The following TNS1 variants were observed in gnomAD, a reference collection of about 807,000 sequenced individuals.
The protein encoded by TNS1 is tensin-1.
Under a neutral mutation model 168.6 loss-of-function variants are expected in TNS1, and 62 were observed. The observed-to-expected ratio is 0.37, with a 90% confidence interval of 0.30 to 0.45. TNS1 has a LOEUF of 0.45. Among genes scored for constraint, TNS1 ranks in the 20% least tolerant of loss-of-function variants. TNS1 has a pLI of 1.00. For synonymous variants in TNS1, 934 were observed against 933.2 expected, an observed-to-expected ratio of 1.00 and a Z score of -0.02; for missense variants, 2,240 against 2,339.4, an observed-to-expected ratio of 0.96 and a Z score of 0.88.
intron 12 of TNS1, among the ~76,000 whole-genome samples, chr2:217,888,669 A>G (rs1229298032): frequency 6.6e-6 from 1 of 152,144 alleles, no homozygotes; most frequent in Non-Finnish European, 1.5e-5. Flanking sequence ...TGGTTTTGTA[A>G]GGGGAAACCC....
At chr2:217,841,567 C>T (rs1458101601) in intron 19 of TNS1, among the ~76,000 whole-genome samples, 1 of 152,114 alleles carries the variant, frequency 6.6e-6, no homozygotes, top group East Asian at 1.9e-4. Context: ...CCTGCTTCTC[C>T]AAGAGGCAGA....
At chr2:217,822,925 T>C (rs1425543978) in intron 22 of TNS1, among the ~76,000 whole-genome samples, 1 of 152,090 alleles carries the variant, frequency 6.6e-6, no homozygotes, top group East Asian at 1.9e-4. Context: ...TCCTACCACC[T>C]CCAAATCCCA....
intron 21 of TNS1, among the ~76,000 whole-genome samples, chr2:217,832,189 C>A (rs1036167517): frequency 1.3e-5 from 2 of 152,224 alleles, no homozygotes; most frequent in Non-Finnish European, 2.9e-5. Flanking sequence ...CTCTGTCCCC[C>A]CAAACCTCAG....
intron 3 of TNS1, among the ~76,000 whole-genome samples, chr2:217,937,693 C>T (rs1956694150): frequency 2.0e-5 from 3 of 151,860 alleles, no homozygotes; most frequent in Non-Finnish European, 4.4e-5. Flanking sequence ...GACTCACAGA[C>T]CCCCCACCCC....
chr2:217,850,078 A>T, intron 18 of TNS1: 2 of 985,382 alleles, frequency 2.0e-6, no homozygotes, highest in Non-Finnish European at 2.4e-6. Flanking sequence ...CCCCTCCACC[A>T]GCAAGCTCAG....
intron 3 of TNS1, among the ~76,000 whole-genome samples, chr2:217,963,049 A>G (rs1325533047): frequency 6.6e-6 from 1 of 152,254 alleles, no homozygotes; most frequent in African/African-American, 2.4e-5. Context: ...AAGTTTAATC[A>G]TCTCAGAATA....
At chr2:217,977,944 C>A (rs1298005406) in intron 3 of TNS1, among the ~76,000 whole-genome samples, 19 of 152,206 alleles carry the variant, frequency 1.2e-4, no homozygotes, top group Admixed American at 1.2e-3. Flanking sequence ...AGGCAAGGAA[C>A]GCCATTTCCA....
At chr2:217,946,961 T>A (rs866897632) in intron 3 of TNS1, among the ~76,000 whole-genome samples, 18,543 of 131,694 alleles carry the variant, frequency 0.14, 1,469 homozygotes, top group African/African-American at 0.24. Context: ...TCTCTCTCTC[T>A]CTCTCTCTCA....
chr2:217,888,099 T>C (rs61032801), intron 12 of TNS1, among the ~76,000 whole-genome samples: 1 of 152,134 alleles, frequency 6.6e-6, no homozygotes, highest in Admixed American at 6.5e-5. Context: ...AGTAAGATAA[T>C]CTGATGGGCA....
chr2:217,979,851 G>GCCACAGCCCAGGA (rs1326748532), intron 2 of TNS1, among the ~76,000 whole-genome samples: 1 of 151,978 alleles, frequency 6.6e-6, no homozygotes, highest in African/African-American at 2.4e-5. Context: ...ATCCTCAACA[G>GCCACAGCCCAGGA]CCACAGCCCA....
intron 6 of TNS1, chr2:217,905,570 T>G (rs887300682): frequency 3.7e-6 from 1 of 269,900 alleles, no homozygotes. Flanking sequence ...TCTACCCCTG[T>G]GCCAACCACC....
At chr2:217,808,576 G>A (rs761824398) in intron 31 of TNS1, 27 bp downstream of exon 31, 2 of 1,610,098 alleles carry the variant, frequency 1.2e-6, no homozygotes, top group Admixed American at 1.7e-5. Context: ...AGCTGTGTGG[G>A]AGAGAAGCTG....
chr2:217,824,263 G>A lies in TNS1; in HGVS notation c.3374-2325C>T, dbSNP rs373755557. ...CTCCTCAGCCCAGAGAGGTGGAGCC[G>A]TGCGCCAGGACACATGGATAATTAG... On this transcript the variant is annotated intron_variant, in intron 22 of 32. Transcript: ENST00000682258. 1.0e-3 allele frequency among the ~76,000 whole-genome samples: 158 copies of A among 152,292 alleles called. 1 individual carries two copies. The South Asian group carries it at 0.031, about 30-fold the overall frequency.
At chr2:217,917,273 G>A (rs372174879) in intron 4 of TNS1, among the ~76,000 whole-genome samples, 4 of 152,136 alleles carry the variant, frequency 2.6e-5, no homozygotes, top group East Asian at 1.9e-4. Context: ...GCCAGACATC[G>A]GGCTGAATGC....
At chr2:218,014,172 C>G (rs2106003507), upstream of TNS1, among the ~76,000 whole-genome samples, 1 of 152,314 alleles carries the variant, frequency 6.6e-6, no homozygotes, top group East Asian at 1.9e-4. Context: ...GGGAGAATCA[C>G]TTGGGCATCT....
intron 3 of TNS1, among the ~76,000 whole-genome samples, chr2:217,971,058 A>G (rs1464757421): frequency 1.3e-5 from 2 of 152,274 alleles, no homozygotes; most frequent in African/African-American, 2.4e-5. Context: ...GGAAGTGCAC[A>G]TGGGAAATGT....
chr2:218,017,476 G>A (rs1339673885), intron 1 of TNS1, among the ~76,000 whole-genome samples: 2 of 152,232 alleles, frequency 1.3e-5, no homozygotes, highest in Non-Finnish European at 2.9e-5. Context: ...CAACTTGGCT[G>A]CTTCTGTGTT....
chr2:217,976,296 AG>A (rs1356128158), intron 3 of TNS1, among the ~76,000 whole-genome samples: 1 of 152,208 alleles, frequency 6.6e-6, no homozygotes, highest in African/African-American at 2.4e-5. Flanking sequence ...GCCTAGAAGC[AG>A]GGGATGGACA....
chr2:217,976,415 T>C (rs1957897219), intron 3 of TNS1, among the ~76,000 whole-genome samples: 2 of 152,150 alleles, frequency 1.3e-5, no homozygotes, highest in Non-Finnish European at 2.9e-5. Context: ...AGGGCGGCAG[T>C]AAGAGCTCTG....
Sources: gnomAD v4.1 joint callset for allele counts (sites outside exome capture counted in the v4.1 genomes callset) on GRCh38, gnomAD v4.1.1 for gene constraint, MANE v1.5 for transcripts, NCBI Gene and HGNC (gene_info 2026-07-23, HGNC 2026-07-21) for gene names.